SNRPN: variants seen among roughly 807,000 people sequenced by gnomAD.
SNRPN encodes small nuclear ribonucleoprotein polypeptide N, also known as small nuclear ribonucleoprotein-associated protein N.
SNRPN carries 7 observed loss-of-function variants against 25.2 expected under a neutral mutation model. The observed-to-expected ratio is 0.28, with a 90% confidence interval of 0.16 to 0.52. The LOEUF (loss-of-function observed/expected upper bound fraction) is 0.52. Ranked by LOEUF, SNRPN falls within the 20% of genes least tolerant of loss-of-function variation. SNRPN has a pLI of 0.96. For synonymous variants in SNRPN, 124 were observed against 110.6 expected, an observed-to-expected ratio of 1.12 and a Z score of -0.76; for missense variants, 196 against 322.5, an observed-to-expected ratio of 0.61 and a Z score of 3.00.
chr15:24,905,112 CAA>C (rs35185358), intron 2 of SNRPN, among the ~76,000 whole-genome samples: 42,765 of 125,264 alleles, frequency 0.34, 6,634 homozygotes, highest in South Asian at 0.42. Context: ...GACTCCGTCT[CAA>C]AAAAAAAAAA....
chr15:24,833,104 C>CAAAAAAAAAAA (rs10696281), intron 2 of SNRPN, among the ~76,000 whole-genome samples: 9 of 61,776 alleles, frequency 1.5e-4, no homozygotes, highest in African/African-American at 5.9e-4. Context: ...GACTCTGTCT[C>CAAAAAAAAAAA]AAAAAAAAAA....
At chr15:24,925,773 G>A (rs1325454570) in intron 3 of SNRPN, among the ~76,000 whole-genome samples, 5 of 149,616 alleles carry the variant, frequency 3.3e-5, no homozygotes, top group South Asian at 2.1e-4. Context: ...ACAGAGTCTC[G>A]CACTCTTGCC....
intron 3 of SNRPN, among the ~76,000 whole-genome samples, chr15:24,931,838 CAAAAAAAAAAAAAAAAAA>C (rs71127026): frequency 4.7e-5 from 2 of 42,992 alleles, no homozygotes; most frequent in African/African-American, 2.4e-4. Flanking sequence ...GAACCTGTCT[CAAAAAAAAAAAAAAAAAA>C]AAAAAAAAAA....
upstream of SNRPN, chr15:24,954,944 C>T (rs1263518321): frequency 7.8e-6 from 12 of 1,529,898 alleles, no homozygotes; most frequent in African/African-American, 1.4e-5. Context: ...CATGCTCAGG[C>T]GGGGATGTGT....
rs964910402 is a variant in SNRPN at position 24,926,745 on chromosome 15, G to A, written c.-391+6621G>A. 2.6e-5 allele frequency among the ~76,000 whole-genome samples: 4 copies of A among 151,982 alleles called. No individual in the cohort carries two copies. The South Asian group carries it at 8.3e-4, about 31-fold the overall frequency. ...TAGTAGCAGGTGTGCTGGCTCACGGGTATAATCCCAGCACCGTGGGAGGCT... is the reference window on the plus strand; with the variant it reads ...TAGTAGCAGGTGTGCTGGCTCACGGATATAATCCCAGCACCGTGGGAGGCT... On this transcript the variant is annotated intron_variant, in intron 3 of 11. Transcript: ENST00000400097.
At chr15:24,911,752 T>C (rs936408110) in intron 2 of SNRPN, among the ~76,000 whole-genome samples, 2 of 152,134 alleles carry the variant, frequency 1.3e-5, no homozygotes, top group Non-Finnish European at 2.9e-5. Flanking sequence ...AGGGCTGCCA[T>C]AGAAAGTTCC....
intron 2 of SNRPN, among the ~76,000 whole-genome samples, chr15:24,842,581 G>A (rs913511411): frequency 1.3e-5 from 2 of 152,128 alleles, no homozygotes; most frequent in Non-Finnish European, 2.9e-5. Flanking sequence ...CAGACATGGC[G>A]CATTGAGCAA....
chr15:24,852,967 A>ATTTTT (rs1215556461), upstream of SNRPN, among the ~76,000 whole-genome samples: 5 of 152,116 alleles, frequency 3.3e-5, no homozygotes, highest in African/African-American at 1.2e-4. Flanking sequence ...AATAACAGAG[A>ATTTTT]AAAATAATTT....
chr15:24,831,900 T>C (rs2050559274), intron 2 of SNRPN, among the ~76,000 whole-genome samples: 1 of 152,080 alleles, frequency 6.6e-6, no homozygotes. Flanking sequence ...TGATCCCATA[T>C]TTGGCTATTG....
chr15:24,901,620 G>A (rs1264963505), intron 2 of SNRPN, among the ~76,000 whole-genome samples: 2 of 152,084 alleles, frequency 1.3e-5, no homozygotes, highest in African/African-American at 2.4e-5. Flanking sequence ...CAAAAGTACC[G>A]CAGGTATTGA....
chr15:24,974,404 A>G lies in SNRPN; in HGVS notation c.-50A>G. 1.9e-6 allele frequency: 3 copies of G among 1,598,140 alleles called. No individual in the cohort carries two copies. Among genetic ancestry groups the G allele is most frequent in the African/African-American group, 2.7e-5 (2 of 74,610 alleles). On this transcript the variant is annotated 5_prime_UTR_variant, in exon 4 of 10. Coordinates refer to ENST00000390687, the MANE Select transcript of SNRPN (RefSeq NM_003097.6). Reference sequence around the variant, plus strand: ...ATCTATAGCCTTCCCCTAGGTCTTCAGAAGCATCAAGTTTTAACTGTGGAC... The same window carrying G: ...ATCTATAGCCTTCCCCTAGGTCTTCGGAAGCATCAAGTTTTAACTGTGGAC...
At chr15:24,832,351 A>G (rs2141655319) in intron 2 of SNRPN, among the ~76,000 whole-genome samples, 1 of 152,162 alleles carries the variant, frequency 6.6e-6, no homozygotes, top group South Asian at 2.1e-4. Flanking sequence ...ATTGCTACTC[A>G]AAGGGATTAC....
chr15:24,917,525 G>A (rs1416848241), intron 2 of SNRPN, among the ~76,000 whole-genome samples: 1 of 152,200 alleles, frequency 6.6e-6, no homozygotes, highest in Non-Finnish European at 1.5e-5. Context: ...GTGAAAATGA[G>A]GGAGCTTTCC....
At chr15:24,878,757 C>T (rs376407712) in intron 1 of SNRPN, among the ~76,000 whole-genome samples, 31 of 151,592 alleles carry the variant, frequency 2.0e-4, no homozygotes, top group Middle Eastern at 3.2e-3. Context: ...ATCTTTTTTG[C>T]GTTCTTTGAA....
chr15:24,837,961 GA>G (rs2051359472), intron 2 of SNRPN, among the ~76,000 whole-genome samples: 1 of 151,470 alleles, frequency 6.6e-6, no homozygotes, highest in African/African-American at 2.4e-5. Flanking sequence ...GACCTCAGAA[GA>G]TCCGCCTGCC....
chr15:24,946,472 G>GTT (rs200177946), intron 3 of SNRPN, among the ~76,000 whole-genome samples: 1 of 152,048 alleles, frequency 6.6e-6, no homozygotes, highest in African/African-American at 2.4e-5. Flanking sequence ...GTTTTGTTTT[G>GTT]TTTTTTTGAG....
intron 3 of SNRPN, among the ~76,000 whole-genome samples, chr15:24,924,249 T>C (rs1054880032): frequency 2.0e-5 from 3 of 152,036 alleles, no homozygotes; most frequent in African/African-American, 7.2e-5. Flanking sequence ...GAAGCTTATG[T>C]ACCCTCTTCT....
In SNRPN at chr15:24,959,708, A is replaced by G. The variant is rs554629392; in HGVS notation, c.-390-2406A>G. On this transcript the variant is annotated intron_variant, in intron 1 of 9. Transcript: ENST00000390687. ...TGCCCACCATAATGTAGCACTGATC[A>G]GTACTAAATTCCTTTTTATGGCTGA... is the stretch of plus-strand genomic sequence containing the variant. 8.1e-4 allele frequency among the ~76,000 whole-genome samples: 124 copies of G among 152,330 alleles called. 1 individual carries two copies. The highest frequency in any genetic ancestry group is 2.9e-3 in the African/African-American group (121 of 41,588).
intron 3 of SNRPN, among the ~76,000 whole-genome samples, chr15:24,973,639 A>G (rs2076723510): frequency 6.6e-6 from 1 of 152,144 alleles, no homozygotes; most frequent in African/African-American, 2.4e-5. Context: ...ACCTCAGGTG[A>G]TCCACCTGCC....
Sources: allele counts gnomAD v4.1 joint callset (sites outside exome capture counted in the v4.1 genomes callset), GRCh38; gene constraint gnomAD v4.1.1; transcripts MANE v1.5; gene names NCBI Gene and HGNC (gene_info 2026-07-23, HGNC 2026-07-21).